The following AP2A2 variants were observed in gnomAD, a reference collection of about 807,000 sequenced individuals.
AP2A2 encodes the protein AP-2 complex subunit alpha-2.
In AP2A2, 32 loss-of-function variants were observed where a neutral mutation model predicts 104.2. The observed-to-expected ratio is 0.31, with a 90% confidence interval of 0.23 to 0.41. AP2A2 has a LOEUF of 0.41. Among genes scored for constraint, AP2A2 ranks in the 10% least tolerant of loss-of-function variants. The pLI is 1.00. For missense variants in AP2A2, 912 were observed against 1,261.0 expected (o/e 0.72, Z 4.19); for synonymous variants, 539 against 533.3 (o/e 1.01, Z -0.15).
At chr11:967,640 G>A (rs982966513) in intron 2 of AP2A2, among the ~76,000 whole-genome samples, 6 of 152,104 alleles carry the variant, frequency 3.9e-5, no homozygotes, top group Admixed American at 6.6e-5. Context: ...GATTACAGGC[G>A]TGAGCCACCA....
chr11:983,017 CTTTTTTTTT>C (rs56742889), intron 6 of AP2A2, among the ~76,000 whole-genome samples: 5 of 82,374 alleles, frequency 6.1e-5, no homozygotes, highest in African/African-American at 1.9e-4. Context: ...TTTTCTTTTT[CTTTTTTTTT>C]TTTTTTTTTT....
chr11:979,466 G>A (rs1855166669), intron 5 of AP2A2, among the ~76,000 whole-genome samples: 1 of 152,096 alleles, frequency 6.6e-6, no homozygotes, highest in Non-Finnish European at 1.5e-5. Context: ...GGCACAGCAG[G>A]TCTCTGGGGA....
chr11:1,010,514 C>T (rs765147779), intron 21 of AP2A2, 34 bp from the exon 22 acceptor site: 90 of 1,540,992 alleles, frequency 5.8e-5, no homozygotes, highest in Admixed American at 1.5e-4. Context: ...TGAGCCTCGG[C>T]GTGCCCGTTG....
intron 8 of AP2A2, 72 bp from the exon 9 acceptor site, chr11:986,713 G>A (rs750964447): frequency 1.6e-5 from 24 of 1,538,826 alleles, no homozygotes; most frequent in Non-Finnish European, 2.0e-5. Context: ...ACCCGTCGGG[G>A]AACGCAGACT....
chr11:944,436 A>G (rs1393623220), intron 1 of AP2A2, among the ~76,000 whole-genome samples: 1 of 152,238 alleles, frequency 6.6e-6, no homozygotes, highest in Non-Finnish European at 1.5e-5. Context: ...CCGTGTTCAC[A>G]TGGAGCTTGC....
In AP2A2 at chr11:932,776, A is replaced by G. The variant is rs1210010885; in HGVS notation, c.67+6688A>G. The G allele has an allele frequency of 8.8e-6, 4 of 456,030 alleles. No homozygotes were observed. The East Asian group carries it at 2.8e-4, about 32-fold the overall frequency. 28.2% of individuals were successfully genotyped at this position (456,030 alleles called of 1,614,324 possible). ...AGTGTTTTCCGTCTGGCTCCTCTGA[A>G]GGTCAGGATCACTTTCTTTTATGAC... On this transcript the variant is annotated intron_variant, in intron 1 of 21. Coordinates refer to ENST00000448903, the MANE Select transcript of AP2A2 (RefSeq NM_012305.4).
At chr11:970,387 GC>G in intron 3 of AP2A2, 76 bp downstream of exon 3, 3 of 1,552,682 alleles carry the variant, frequency 1.9e-6, no homozygotes, top group South Asian at 1.2e-5. Flanking sequence ...CCCGTGTAGG[GC>G]CGCTGCTTCC....
intron 1 of AP2A2, among the ~76,000 whole-genome samples, chr11:949,914 G>T (rs1853986801): frequency 6.6e-6 from 1 of 152,062 alleles, no homozygotes; most frequent in South Asian, 2.1e-4. Flanking sequence ...AAAATGCCTG[G>T]TCATCTCCAT....
intron 1 of AP2A2, among the ~76,000 whole-genome samples, chr11:938,162 C>CT (rs1256480388): frequency 3.9e-5 from 6 of 152,224 alleles, no homozygotes; most frequent in Admixed American, 1.3e-4. Flanking sequence ...GTTGGGGCCT[C>CT]TCACCTGGGT....
chr11:930,166 TAGCGGACAGGG>T (rs2134448986), intron 1 of AP2A2, among the ~76,000 whole-genome samples: 1 of 145,956 alleles, frequency 6.9e-6, no homozygotes, highest in East Asian at 2.0e-4. Flanking sequence ...GTATCTGAGG[TAGCGGACAGGG>T]AGCATGTGGA....
At chr11:1,003,365 C>G (rs1371652299) in intron 15 of AP2A2, among the ~76,000 whole-genome samples, 1 of 152,230 alleles carries the variant, frequency 6.6e-6, no homozygotes, top group African/African-American at 2.4e-5. Context: ...GCTCAGCACC[C>G]GTGTTGGATG....
At chr11:978,836 G>A (rs1855141826) in intron 5 of AP2A2, among the ~76,000 whole-genome samples, 1 of 152,178 alleles carries the variant, frequency 6.6e-6, no homozygotes. Flanking sequence ...AGGAAGCGTG[G>A]GCGGGACCAG....
At chr11:1,004,877 T>C (rs1734500310) in intron 16 of AP2A2, among the ~76,000 whole-genome samples, 1 of 152,122 alleles carries the variant, frequency 6.6e-6, no homozygotes, top group Admixed American at 6.5e-5. Context: ...CGTTGGAGCC[T>C]TGTACGCCGC....
At chr11:1,001,353 G>A (rs1442306413) in intron 15 of AP2A2, 1 of 152,442 alleles carries the variant, frequency 6.6e-6, no homozygotes, top group Admixed American at 6.6e-5. Flanking sequence ...TCTGGCCGGA[G>A]GTCTGAGGTG....
intron 16 of AP2A2, among the ~76,000 whole-genome samples, chr11:1,005,649 G>A (rs770955941): frequency 1.8e-4 from 27 of 152,282 alleles, no homozygotes; most frequent in Middle Eastern, 3.4e-3. Flanking sequence ...TCTCTCATCT[G>A]TGAAAAACAC....
intron 1 of AP2A2, among the ~76,000 whole-genome samples, chr11:944,872 G>A (rs1853781091): frequency 7.1e-6 from 1 of 141,124 alleles, no homozygotes; most frequent in Non-Finnish European, 1.5e-5. Context: ...AAGGCAGTAG[G>A]GGGTTAGGTT....
At chr11:960,756 G>C (rs932908067) in intron 2 of AP2A2, among the ~76,000 whole-genome samples, 1 of 152,152 alleles carries the variant, frequency 6.6e-6, no homozygotes, top group Non-Finnish European at 1.5e-5. Context: ...GACCTCAAGT[G>C]ATCCACCTGC....
chr11:970,540 C>G (rs1854783269), intron 3 of AP2A2, among the ~76,000 whole-genome samples: 1 of 152,394 alleles, frequency 6.6e-6, no homozygotes, highest in East Asian at 1.9e-4. Flanking sequence ...CCCTGATGCC[C>G]TCACAGGGTT....
chr11:940,971 T>G, intron 1 of AP2A2: 1 of 455,670 alleles, frequency 2.2e-6, no homozygotes, highest in South Asian at 1.6e-5. Flanking sequence ...AGTCTGTCAC[T>G]GCGCTGTGCT....
Sources: allele counts gnomAD v4.1 joint callset (sites outside exome capture counted in the v4.1 genomes callset), GRCh38; gene constraint gnomAD v4.1.1; transcripts MANE v1.5; gene names NCBI Gene and HGNC (gene_info 2026-07-23, HGNC 2026-07-21).